LYPD6: variants seen among roughly 807,000 people sequenced by gnomAD.
LYPD6 encodes the protein ly6/PLAUR domain-containing protein 6.
LYPD6 carries 15 observed loss-of-function variants against 22.7 expected under a neutral mutation model. The ratio of observed to expected loss-of-function variants is 0.66; its 90% confidence interval spans 0.44 to 1.02. The LOEUF (loss-of-function observed/expected upper bound fraction) is 1.02. Among genes scored for constraint, LYPD6 ranks in the 50% least tolerant of loss-of-function variants. LYPD6 has a pLI of 0.00. For synonymous variants in LYPD6, 72 were observed against 77.5 expected (o/e 0.93, Z 0.37); for missense variants, 189 against 208.4 (o/e 0.91, Z 0.57).
At chr2:149,371,039 T>G (rs1681796717) in intron 1 of LYPD6, among the ~76,000 whole-genome samples, 3 of 152,230 alleles carry the variant, frequency 2.0e-5, no homozygotes, top group African/African-American at 7.2e-5. Context: ...CCTGTCTTCT[T>G]GCTATGGCTT....
chr2:149,361,842 T>G (rs1681576617), intron 1 of LYPD6, among the ~76,000 whole-genome samples: 5 of 152,110 alleles, frequency 3.3e-5, no homozygotes, highest in Admixed American at 3.3e-4. Flanking sequence ...TTAAGGATCC[T>G]GAGATGGGGC....
downstream of LYPD6, chr2:149,474,228 G>T (rs1681412020): frequency 6.6e-6 from 1 of 151,788 alleles, no homozygotes; most frequent in Admixed American, 6.6e-5. Flanking sequence ...GCAGGGTCTT[G>T]CTCTGTTGCC....
chr2:149,420,249 G>A lies in LYPD6; in HGVS notation c.-71-17389G>A, dbSNP rs563634236. Among the ~76,000 whole-genome samples, 6 of 152,290 alleles carry A rather than the reference G, an allele frequency of 3.9e-5. No homozygotes were observed. The East Asian group carries it at 1.2e-3, about 29-fold the overall frequency. ...GCAAACGAGGACATTGAACTGCAGG[G>A]AAGTTTTATTGCTCAAGTTCACCCT... On this transcript the variant is annotated intron_variant, in intron 1 of 4. Coordinates refer to ENST00000334166, the MANE Select transcript of LYPD6 (RefSeq NM_194317.5).
chr2:149,465,563 A>G (rs1239932601), intron 3 of LYPD6, among the ~76,000 whole-genome samples: 1 of 152,208 alleles, frequency 6.6e-6, no homozygotes, highest in Non-Finnish European at 1.5e-5. Flanking sequence ...CATGAAGAAT[A>G]ATTGAGTGGC....
chr2:149,479,170 T>G, the LYPD6 span, among the ~76,000 whole-genome samples: 3 of 152,176 alleles, frequency 2.0e-5, no homozygotes. Context: ...ACACTTCGTC[T>G]AGTCCCTCCT....
At chr2:149,337,286 G>A (rs115473044) in intron 1 of LYPD6, among the ~76,000 whole-genome samples, 2,943 of 152,172 alleles carry the variant, frequency 0.019, 91 homozygotes, top group African/African-American at 0.067. Flanking sequence ...TGAAATAAGA[G>A]TTTCTAGGGC....
chr2:149,444,284 A>G (rs531726417), intron 2 of LYPD6, among the ~76,000 whole-genome samples: 1 of 152,312 alleles, frequency 6.6e-6, no homozygotes, highest in African/African-American at 2.4e-5. Context: ...AAATGCTAAG[A>G]TCATCTGAGC....
intron 1 of LYPD6, among the ~76,000 whole-genome samples, chr2:149,361,817 C>T (rs1286576669): frequency 6.6e-6 from 1 of 151,990 alleles, no homozygotes; most frequent in Non-Finnish European, 1.5e-5. Context: ...AAAGGGATTT[C>T]TTAGATGTGG....
chr2:149,431,026 T>C (rs1056414184), intron 1 of LYPD6, among the ~76,000 whole-genome samples: 1 of 152,204 alleles, frequency 6.6e-6, no homozygotes, highest in Non-Finnish European at 1.5e-5. Context: ...AATTTTTTTT[T>C]TTCTGTTTTG....
At chr2:149,337,206 C>T (rs1681051309) in intron 1 of LYPD6, among the ~76,000 whole-genome samples, 1 of 152,074 alleles carries the variant, frequency 6.6e-6, no homozygotes, top group Non-Finnish European at 1.5e-5. Context: ...AGAAGACTCT[C>T]CCAGTAAATA....
At chr2:149,438,545 T>C (rs1466085961) in intron 2 of LYPD6, among the ~76,000 whole-genome samples, 1 of 152,266 alleles carries the variant, frequency 6.6e-6, no homozygotes, top group Non-Finnish European at 1.5e-5. Flanking sequence ...CTGGTTGTAT[T>C]GTGTATATTC....
intron 3 of LYPD6, among the ~76,000 whole-genome samples, chr2:149,460,357 C>T (rs189610149): frequency 2.0e-5 from 3 of 152,162 alleles, no homozygotes; most frequent in African/African-American, 7.2e-5. Context: ...AATCAAAAGA[C>T]TTCAGTGCAG....
At chr2:149,402,046 G>A (rs148104720) in intron 1 of LYPD6, among the ~76,000 whole-genome samples, 172 of 151,960 alleles carry the variant, frequency 1.1e-3, no homozygotes, top group African/African-American at 3.7e-3. Context: ...CCTAGATGAC[G>A]GGTTGACAGG....
chr2:149,346,705 G>A (rs537260659), intron 1 of LYPD6, among the ~76,000 whole-genome samples: 10 of 152,150 alleles, frequency 6.6e-5, no homozygotes, highest in South Asian at 6.2e-4. Flanking sequence ...AACTAGTTTT[G>A]TTTTTTGTTT....
chr2:149,404,845 A>G (rs1303406836), intron 1 of LYPD6, among the ~76,000 whole-genome samples: 1 of 152,304 alleles, frequency 6.6e-6, no homozygotes, highest in African/African-American at 2.4e-5. Context: ...GTTTTTGCCC[A>G]TTCAGTATGA....
intron 1 of LYPD6, among the ~76,000 whole-genome samples, chr2:149,364,544 ATT>A (rs558543639): frequency 1.7e-4 from 23 of 135,260 alleles, no homozygotes; most frequent in Admixed American, 3.7e-4. Context: ...ACAGAGTACA[ATT>A]TTTTTTTTTT....
At chr2:149,477,240 C>T (rs1681460526), downstream of LYPD6, among the ~76,000 whole-genome samples, 3 of 152,178 alleles carry the variant, frequency 2.0e-5, no homozygotes, top group African/African-American at 4.8e-5. Context: ...GACACATTCT[C>T]CTTGATGCAA....
chr2:149,342,590 T>C (rs1309035043), intron 1 of LYPD6, among the ~76,000 whole-genome samples: 1 of 152,188 alleles, frequency 6.6e-6, no homozygotes, highest in Non-Finnish European at 1.5e-5. Context: ...ACTGAAAAAC[T>C]CTTTCATCAG....
chr2:149,339,012 C>T (rs1681110014), intron 1 of LYPD6, among the ~76,000 whole-genome samples: 1 of 152,076 alleles, frequency 6.6e-6, no homozygotes, highest in Non-Finnish European at 1.5e-5. Context: ...CAAGCCAGTG[C>T]CCAGGACTTT....
Sources: gnomAD v4.1 joint callset for allele counts (sites outside exome capture counted in the v4.1 genomes callset) on GRCh38, gnomAD v4.1.1 for gene constraint, MANE v1.5 for transcripts, NCBI Gene and HGNC (gene_info 2026-07-23, HGNC 2026-07-21) for gene names.